ZNF462: variants seen among roughly 807,000 people sequenced by gnomAD.
ZNF462 encodes the protein zinc finger protein 462.
A neutral mutation model predicts 201.9 loss-of-function variants in ZNF462; 10 were observed. That is an observed-to-expected ratio of 0.05 (90% CI 0.03 to 0.08). ZNF462 has a LOEUF of 0.08. Among genes scored for constraint, ZNF462 ranks in the 10% least tolerant of loss-of-function variants. The probability of loss-of-function intolerance (pLI) is 1.00; values close to 1 mark genes in which losing one functional copy is unlikely to be tolerated. For synonymous variants in ZNF462, 1,227 were observed against 1,193.3 expected, an observed-to-expected ratio of 1.03 and a Z score of -0.58; for missense variants, 2,523 against 3,168.3, an observed-to-expected ratio of 0.80 and a Z score of 4.89.
At chr9:106,983,708 T>C (rs1303965423) in intron 9 of ZNF462, among the ~76,000 whole-genome samples, 1 of 152,196 alleles carries the variant, frequency 6.6e-6, no homozygotes, top group Non-Finnish European at 1.5e-5. Context: ...CTCATAAAGT[T>C]GCTGATAGAA....
chr9:106,900,203 C>CATGT (rs1415869838), intron 1 of ZNF462, among the ~76,000 whole-genome samples: 18 of 134,746 alleles, frequency 1.3e-4, no homozygotes, highest in African/African-American at 5.0e-4. Flanking sequence ...AGTATTCCAT[C>CATGT]GTGTGTGTGT....
Position 106,996,014 on chromosome 9 carries a change from G to A in ZNF462, c.7057-7280G>A, listed in dbSNP as rs183105413. 3.3e-3 allele frequency among the ~76,000 whole-genome samples: 501 copies of A among 152,192 alleles called. 3 individuals carry two copies. The highest frequency in any genetic ancestry group is 0.011 in the African/African-American group (437 of 41,534). ...CAGTGTGTGATGTTCCCCACCCTGTGTCCAAGTGGTCTCATTGTTCAATTC... is the reference window on the plus strand; with the variant it reads ...CAGTGTGTGATGTTCCCCACCCTGTATCCAAGTGGTCTCATTGTTCAATTC... On this transcript the variant is annotated intron_variant, in intron 10 of 12. Coordinates refer to ENST00000277225, the MANE Select transcript of ZNF462 (RefSeq NM_021224.6).
At position 106,978,128 on chromosome 9, in the gene ZNF462, A is replaced by C. The variant is rs1370045472; in HGVS notation, c.6832+3855A>C. The stretch of plus-strand genomic sequence containing the variant: ...ACACTAGTCATTGGGTTTAGGGCAC[A>C]CCCTAATCTAGTCTGGCCTTAACTG... On this transcript the variant is annotated intron_variant, in intron 9 of 12. Transcript: ENST00000277225. This position sits in a 1 kb window ranked among gnomAD's most constrained non-coding sequence, Gnocchi z 4.1. Among the ~76,000 whole-genome samples the C allele has an allele frequency of 1.3e-5, 2 of 151,316 alleles. No homozygotes were observed. Among genetic ancestry groups the C allele is most frequent in the African/African-American group, 2.5e-5 (1 of 40,720 alleles).
Position 106,972,397 on chromosome 9 carries a change from G to A in ZNF462, c.6695+125G>A. 7.3e-7 allele frequency: 1 copy of A among 1,377,668 alleles called. No individual in the cohort carries two copies. The highest frequency in any genetic ancestry group is 1.4e-5 in the South Asian group (1 of 70,220). 85.3% of individuals were successfully genotyped at this position (1,377,668 alleles called of 1,614,324 possible). On this transcript the variant is annotated intron_variant, in intron 8 of 12. Coordinates refer to ENST00000277225, the MANE Select transcript of ZNF462 (RefSeq NM_021224.6). This position sits in a 1 kb window ranked among gnomAD's most constrained non-coding sequence, Gnocchi z 4.8. ...GAGGCCCTGCCCATGTGATGATGTA[G>A]GGGTTGGGTCCAGGCTTCATGGAAG...
chr9:106,952,396 A>C (rs1286721264), intron 7 of ZNF462, among the ~76,000 whole-genome samples: 4 of 152,258 alleles, frequency 2.6e-5, no homozygotes, highest in Admixed American at 6.5e-5. Flanking sequence ...ATTTGTTTTC[A>C]ATTTATGATC....
rs771329711 is a variant in ZNF462, at chr9:106,984,222, A to G, written c.6869A>G (p.Lys2290Arg). 1.2e-6 allele frequency: 2 copies of G among 1,614,070 alleles called. No homozygotes were observed. The highest frequency in any genetic ancestry group is 2.2e-5 in the East Asian group (1 of 44,880). The change falls in exon 10 of 13, where the codon AAA becomes AGA. Residue 2290 changes from lysine (K) to arginine (R), a missense_variant. Transcript: ENST00000277225. This position sits in a 1 kb window ranked among gnomAD's most constrained non-coding sequence, Gnocchi z 6.4. ...GTCCCCATTGAAGTTTGCCGGTCCA[A>G]ACTGTCCAAATACTTGCAGGGAGTA... Reference protein sequence around the residue: ...RVVPIEVCRSKLSKYLQGVVF... With the variant: ...RVVPIEVCRSRLSKYLQGVVF...
Position 106,925,757 on chromosome 9 carries a change from A to C in ZNF462, c.1845A>C (p.Leu615=), listed in dbSNP as rs746792318. The C allele has an allele frequency of 3.7e-5, 59 of 1,614,118 alleles. No individual in the cohort carries two copies. Among genetic ancestry groups the C allele is most frequent in the Non-Finnish European group, 4.3e-5 (51 of 1,180,050 alleles). The change falls in exon 3 of 13, where the codon CTA becomes CTC. Residue 615 remains leucine (L), a synonymous_variant. Transcript: ENST00000277225. This position sits in a 1 kb window ranked among gnomAD's most constrained non-coding sequence, Gnocchi z 7.9. ...CNYSTTTLKG[L]RVHQQHKHSF... ...ACTCCACCACAACTCTGAAAGGGCT[A>C]AGAGTCCATCAGCAGCATAAACATT...
In ZNF462 at chr9:106,943,059, C is replaced by CGCGTGTGT. The variant is rs374167214; in HGVS notation, c.6427+3953_6427+3954insCGTGTGTG. Among the ~76,000 whole-genome samples the CGCGTGTGT allele has an allele frequency of 2.4e-3, 345 of 143,232 alleles. 1 individual carries two copies. Among genetic ancestry groups the CGCGTGTGT allele is most frequent in the African/African-American group, 8.3e-3 (314 of 37,936 alleles). 94.0% of individuals were successfully genotyped at this position (143,232 alleles called of 152,430 possible). A position where few individuals can be genotyped will look rare whatever the true frequency, so the allele number is the denominator to read the frequency against. On this transcript the variant is annotated intron_variant, in intron 7 of 12. Transcript: ENST00000277225. ...GTAACATAGTTTTGTTTTGCGCGCG[C>CGCGTGTGT]GTGTGTGTGTGTGTGTGTGTGTGTG...
intron 4 of ZNF462, among the ~76,000 whole-genome samples, chr9:106,931,474 A>T (rs1271263432): frequency 1.3e-5 from 2 of 152,224 alleles, no homozygotes; most frequent in Non-Finnish European, 2.9e-5. Flanking sequence ...TCTTGAGCTT[A>T]CATCCTATTT....
intron 1 of ZNF462, among the ~76,000 whole-genome samples, chr9:106,907,108 T>C (rs1257340658): frequency 2.0e-5 from 3 of 152,200 alleles, no homozygotes; most frequent in African/African-American, 4.8e-5. Flanking sequence ...TGTTGATAGA[T>C]TTTCCTGTAT....
intron 1 of ZNF462, among the ~76,000 whole-genome samples, chr9:106,921,768 G>A (rs1226168180): frequency 6.6e-6 from 1 of 152,150 alleles, no homozygotes; most frequent in South Asian, 2.1e-4. Flanking sequence ...GTGGGGTGGG[G>A]CCTCAGTGAC....
At chr9:106,903,609 T>C (rs1829148423) in intron 1 of ZNF462, among the ~76,000 whole-genome samples, 1 of 152,218 alleles carries the variant, frequency 6.6e-6, no homozygotes, top group Non-Finnish European at 1.5e-5. Flanking sequence ...AGCTGCAGTG[T>C]TAGGTGCATA....
chr9:106,937,541 T>C (rs915765764), intron 6 of ZNF462, among the ~76,000 whole-genome samples: 1 of 152,170 alleles, frequency 6.6e-6, no homozygotes, highest in African/African-American at 2.4e-5. Flanking sequence ...AAAATTAATT[T>C]TAAAAATACA....
chr9:107,009,537 CT>C lies in ZNF462; in HGVS notation c.7190-5del. ...CACACAGGTAACACTTCTGCTTTCT[CT>C]TTGCAGAGCTGATGAGATTTTCTGA... On this transcript the variant is annotated splice_region_variant and splice_polypyrimidine_tract_variant and intron_variant, in intron 11 of 12. Coordinates refer to ENST00000277225, the MANE Select transcript of ZNF462 (RefSeq NM_021224.6). This position sits in a 1 kb window ranked among gnomAD's most constrained non-coding sequence, Gnocchi z 6.1. The C allele has an allele frequency of 6.2e-7, 1 of 1,613,784 alleles. No individual in the cohort carries two copies.
In ZNF462 at chr9:106,925,622, A is replaced by ACCACAT; in HGVS notation, c.1712_1717dup (p.Pro571_His572dup). On this transcript the variant is annotated inframe_insertion, in exon 3 of 13. Coordinates refer to ENST00000277225, the MANE Select transcript of ZNF462 (RefSeq NM_021224.6). The surrounding 1 kb of genome is among the most constrained non-coding windows in gnomAD (Gnocchi z 7.9). ...AGCCACAGCCACCACAGCTGCAGCC[A>ACCACAT]CCACATCAGGTGCCACCCCAGCCAC... 1 of 1,613,298 alleles carries ACCACAT rather than the reference A, an allele frequency of 6.2e-7. No homozygotes were observed. Among genetic ancestry groups the ACCACAT allele is most frequent in the East Asian group, 2.2e-5 (1 of 44,858 alleles).
rs1163935490 is a variant in ZNF462, at chr9:106,970,643, AC to A, written c.6428-1361del. On this transcript the variant is annotated intron_variant, in intron 7 of 12. Coordinates refer to ENST00000277225, the MANE Select transcript of ZNF462 (RefSeq NM_021224.6). The surrounding 1 kb of genome is among the most constrained non-coding windows in gnomAD (Gnocchi z 4.2). ...CTTTGTTTTCTTTTCAAGGAAAGTT[AC>A]ACTGAAATTCATCTGTGTGGTATTC... Among the ~76,000 whole-genome samples the A allele has an allele frequency of 2.0e-5, 3 of 152,286 alleles. 1 individual carries two copies. The highest frequency in any genetic ancestry group is 2.9e-5 in the Non-Finnish European group (2 of 68,022).
intron 11 of ZNF462, among the ~76,000 whole-genome samples, chr9:107,004,699 C>T (rs1331746309): frequency 6.6e-6 from 1 of 151,968 alleles, no homozygotes; most frequent in African/African-American, 2.4e-5. Flanking sequence ...TATGCATTAC[C>T]TCACATACTT....
At chr9:107,001,623 T>G (rs1829191151) in intron 10 of ZNF462, among the ~76,000 whole-genome samples, 1 of 152,176 alleles carries the variant, frequency 6.6e-6, no homozygotes, top group Admixed American at 6.5e-5. Flanking sequence ...AAGCCCTAGT[T>G]AGTAAGGTGC....
intron 7 of ZNF462, among the ~76,000 whole-genome samples, chr9:106,956,304 G>A (rs1831571590): frequency 6.6e-6 from 1 of 152,106 alleles, no homozygotes; most frequent in Non-Finnish European, 1.5e-5. Flanking sequence ...GGGTGATGAA[G>A]TTCATTGCCA....
Sources: allele counts gnomAD v4.1 joint callset (sites outside exome capture counted in the v4.1 genomes callset), GRCh38; gene constraint gnomAD v4.1.1; non-coding constraint Gnocchi (gnomAD v3.1); transcripts MANE v1.5; gene names NCBI Gene and HGNC (gene_info 2026-07-23, HGNC 2026-07-21).